The following TUSC3 variants were observed in gnomAD, a reference collection of about 807,000 sequenced individuals.
TUSC3 encodes dolichyl-diphosphooligosaccharide--protein glycosyltransferase subunit TUSC3.
A neutral mutation model predicts 44.8 loss-of-function variants in TUSC3; 45 were observed. The ratio of observed to expected loss-of-function variants is 1.00; its 90% CI spans 0.79 to 1.29. The LOEUF is 1.29. Among genes scored for constraint, TUSC3 ranks in the 50% most tolerant of loss-of-function variants. The pLI, the probability that TUSC3 is intolerant of heterozygous loss-of-function variation, is 0.00. For synonymous variants in TUSC3, 212 were observed against 152.9 expected (o/e 1.39, Z -2.85); for missense variants, 519 against 437.9 (o/e 1.19, Z -1.65).
intron 6 of TUSC3, among the ~76,000 whole-genome samples, chr8:15,702,652 C>A (rs113381247): frequency 1.1e-4 from 16 of 152,158 alleles, no homozygotes; most frequent in African/African-American, 1.9e-4. Flanking sequence ...GTCGGTGTCA[C>A]CATTAATACC....
chr8:15,467,277 CA>C (rs11371796), intron 1 of TUSC3, among the ~76,000 whole-genome samples: 8,823 of 102,992 alleles, frequency 0.086, 343 homozygotes, highest in South Asian at 0.18. Flanking sequence ...GTTCTTTAGC[CA>C]AAAAAAAAAA....
chr8:15,719,836 G>A (rs1464141368), intron 6 of TUSC3, among the ~76,000 whole-genome samples: 4 of 151,998 alleles, frequency 2.6e-5, no homozygotes, highest in South Asian at 2.1e-4. Context: ...TTCAAGCCTC[G>A]CAGCCTGGTA....
intron 1 of TUSC3, among the ~76,000 whole-genome samples, chr8:15,421,907 T>A (rs1223875879): frequency 6.6e-6 from 1 of 152,202 alleles, no homozygotes; most frequent in Non-Finnish European, 1.5e-5. Flanking sequence ...GTTGAATGCA[T>A]CTTGAATTCA....
At chr8:15,457,343 A>T (rs1387654665) in intron 1 of TUSC3, among the ~76,000 whole-genome samples, 1 of 151,854 alleles carries the variant, frequency 6.6e-6, no homozygotes, top group Admixed American at 6.6e-5. Context: ...TTAAAAAAAC[A>T]AAAACAAATA....
rs536364731 is a variant in TUSC3, at chr8:15,483,329, G to T, written n.92-57G>T. ...AAAAAGCACTGTTTTTGTTGTTGTTGTTGTTGTTTTGTTTTGTTTTGTTTT... is the reference window on the plus strand; with the variant it reads ...AAAAAGCACTGTTTTTGTTGTTGTTTTTGTTGTTTTGTTTTGTTTTGTTTT... On this transcript the variant is annotated intron_variant and non_coding_transcript_variant, in intron 1 of 5. Transcript: ENST00000503191. The T allele has an allele frequency of 3.8e-4, 85 of 223,926 alleles. 1 individual carries two copies. The South Asian group carries it at 5.9e-3, about 15-fold the overall frequency. 13.9% of individuals were successfully genotyped at this position (223,926 alleles called of 1,614,324 possible). A position where few individuals can be genotyped will look rare whatever the true frequency, so the allele number is the denominator to read the frequency against.
chr8:15,524,448 C>T (rs151245110), intron 2 of TUSC3, among the ~76,000 whole-genome samples: 2 of 152,082 alleles, frequency 1.3e-5, no homozygotes, highest in Admixed American at 6.5e-5. Flanking sequence ...GTAATAACGT[C>T]TTACATTTCC....
chr8:15,559,309 A>G (rs866590391), intron 1 of TUSC3, among the ~76,000 whole-genome samples: 2,035 of 143,812 alleles, frequency 0.014, 75 homozygotes, highest in African/African-American at 0.042. Context: ...GTAGTTGAGC[A>G]GTTTTGAGTG....
At chr8:15,459,024 C>T (rs1800304229) in intron 1 of TUSC3, among the ~76,000 whole-genome samples, 1 of 152,160 alleles carries the variant, frequency 6.6e-6, no homozygotes, top group Non-Finnish European at 1.5e-5. Flanking sequence ...AGATAGTTAA[C>T]CCCCTTTTAT....
chr8:15,824,344 A>G, the TUSC3 span, among the ~76,000 whole-genome samples: 1 of 152,202 alleles, frequency 6.6e-6, no homozygotes, highest in East Asian at 1.9e-4. Context: ...TAAAACAGGC[A>G]ACTCCATTGG....
chr8:15,676,775 A>G (rs1387577180), intron 6 of TUSC3, among the ~76,000 whole-genome samples: 2 of 152,226 alleles, frequency 1.3e-5, no homozygotes, highest in African/African-American at 4.8e-5. Flanking sequence ...GAGTATTGAA[A>G]GTGAGAAGCC....
At chr8:15,806,364 T>C in the TUSC3 span, 1 of 734,974 alleles carries the variant, frequency 1.4e-6, no homozygotes, top group Non-Finnish European at 2.6e-6. Context: ...GCATTCCAGG[T>C]ACTTGCCCAA....
chr8:15,771,940 T>C, the TUSC3 span, among the ~76,000 whole-genome samples: 2 of 151,938 alleles, frequency 1.3e-5, no homozygotes, highest in Middle Eastern at 3.4e-3. Context: ...ATACAAAAAA[T>C]TAGCCAGGTG....
At chr8:15,638,999 C>T (rs187908327) in intron 2 of TUSC3, among the ~76,000 whole-genome samples, 63 of 145,218 alleles carry the variant, frequency 4.3e-4, no homozygotes, top group Admixed American at 1.4e-3. Flanking sequence ...TTCAAGGCTT[C>T]AGTGATGATG....
the TUSC3 span, among the ~76,000 whole-genome samples, chr8:15,778,376 C>G: frequency 2.0e-5 from 3 of 152,142 alleles, no homozygotes; most frequent in African/African-American, 7.2e-5. Context: ...AAACAGAAAT[C>G]TCTGGGCTCT....
the TUSC3 span, among the ~76,000 whole-genome samples, chr8:15,844,168 A>T: frequency 6.6e-6 from 1 of 151,614 alleles, no homozygotes; most frequent in African/African-American, 2.4e-5. Flanking sequence ...AAGGGATGGC[A>T]AAAAAAATAT....
chr8:15,582,192 G>A lies in TUSC3; in HGVS notation c.139-40888G>A, dbSNP rs558093032. On this transcript the variant is annotated intron_variant, in intron 1 of 10. Transcript: ENST00000503731. ...TCGCGCATGGTGCGCGCACCCACTGGCCTGCGCCCACTGTCTGGCACTCCC... is the reference window on the plus strand; with the variant it reads ...TCGCGCATGGTGCGCGCACCCACTGACCTGCGCCCACTGTCTGGCACTCCC... Among the ~76,000 whole-genome samples, 395 of 152,270 alleles carry A rather than the reference G, an allele frequency of 2.6e-3. 1 individual carries two copies. The highest frequency in any genetic ancestry group is 6.8e-3 in the Middle Eastern group (2 of 294).
At chr8:15,783,701 C>CA in the TUSC3 span, among the ~76,000 whole-genome samples, 1 of 152,026 alleles carries the variant, frequency 6.6e-6, no homozygotes, top group Non-Finnish European at 1.5e-5. Context: ...ATTCCTTATG[C>CA]AAAAATCAAT....
chr8:15,806,679 C>T, the TUSC3 span: 1 of 974,378 alleles, frequency 1.0e-6, no homozygotes. Flanking sequence ...GGACCTTTCC[C>T]ATGGATACAT....
chr8:15,498,865 T>C (rs1800917540), intron 2 of TUSC3, among the ~76,000 whole-genome samples: 1 of 152,228 alleles, frequency 6.6e-6, no homozygotes, highest in Non-Finnish European at 1.5e-5. Context: ...CAATTGTGTA[T>C]AGTCTAATCA....
Sources: allele counts gnomAD v4.1 joint callset (sites outside exome capture counted in the v4.1 genomes callset), GRCh38; gene constraint gnomAD v4.1.1; transcripts MANE v1.5; gene names NCBI Gene and HGNC (gene_info 2026-07-23, HGNC 2026-07-21).